NKAIN3: variants seen among roughly 807,000 people sequenced by gnomAD.
NKAIN3 encodes sodium/potassium transporting ATPase interacting 3, also known as sodium/potassium-transporting ATPase subunit beta-1-interacting protein 3.
In NKAIN3, 25 loss-of-function variants were observed where a neutral mutation model predicts 30.2. The ratio of observed to expected loss-of-function variants is 0.83; its 90% CI spans 0.60 to 1.16. The LOEUF is 1.16. Among genes scored for constraint, NKAIN3 ranks in the 50% most tolerant of loss-of-function variants. NKAIN3 has a pLI of 0.00. For synonymous variants in NKAIN3, 91 were observed against 89.6 expected (o/e 1.02, Z -0.09); for missense variants, 225 against 254.1 (o/e 0.89, Z 0.78).
chr8:62,281,443 C>T (rs767590584), intron 1 of NKAIN3, among the ~76,000 whole-genome samples: 20 of 152,010 alleles, frequency 1.3e-4, no homozygotes, highest in Non-Finnish European at 2.6e-4. Flanking sequence ...GCTCTTGCTT[C>T]TCTAGTTCTT....
chr8:62,955,728 G>A (rs1823402269), intron 6 of NKAIN3, among the ~76,000 whole-genome samples: 1 of 152,166 alleles, frequency 6.6e-6, no homozygotes, highest in Admixed American at 6.5e-5. Context: ...GCATGGCCCA[G>A]AGGCAAGTGA....
At chr8:62,888,541 G>A (rs1403293673) in intron 4 of NKAIN3, among the ~76,000 whole-genome samples, 1 of 152,100 alleles carries the variant, frequency 6.6e-6, no homozygotes, top group South Asian at 2.1e-4. Context: ...CTCCAATTTT[G>A]GGAGCAGTGG....
intron 1 of NKAIN3, among the ~76,000 whole-genome samples, chr8:62,283,280 A>C (rs1166860932): frequency 6.7e-6 from 1 of 150,364 alleles, no homozygotes; most frequent in East Asian, 2.0e-4. Flanking sequence ...TTACGTGGCT[A>C]TTTTTTTTTT....
chr8:62,854,434 C>T (rs1484536038), intron 4 of NKAIN3, among the ~76,000 whole-genome samples: 16 of 152,114 alleles, frequency 1.1e-4, no homozygotes, highest in Non-Finnish European at 4.4e-5. Context: ...TGAATTGAAA[C>T]CTTTGCCATT....
At chr8:62,463,641 C>G (rs964771858) in intron 1 of NKAIN3, among the ~76,000 whole-genome samples, 2 of 152,056 alleles carry the variant, frequency 1.3e-5, no homozygotes, top group African/African-American at 4.8e-5. Context: ...TTTTCTTTTG[C>G]TTTGTGTGTA....
chr8:62,838,329 T>C (rs932664696), intron 4 of NKAIN3, among the ~76,000 whole-genome samples: 2 of 151,672 alleles, frequency 1.3e-5, no homozygotes, highest in Non-Finnish European at 2.9e-5. Flanking sequence ...CATATATATA[T>C]ACACACACAC....
chr8:62,989,218 C>T (rs1300853196), downstream of NKAIN3, among the ~76,000 whole-genome samples: 1 of 152,236 alleles, frequency 6.6e-6, no homozygotes, highest in Non-Finnish European at 1.5e-5. Context: ...CCAGTTCCAA[C>T]ATCACTTCCA....
chr8:62,666,066 T>C (rs574224383), intron 3 of NKAIN3, among the ~76,000 whole-genome samples: 9 of 151,882 alleles, frequency 5.9e-5, no homozygotes, highest in Admixed American at 3.9e-4. Context: ...ATACAAAAAG[T>C]AGCTGGGCGT....
intron 4 of NKAIN3, among the ~76,000 whole-genome samples, chr8:62,830,659 C>T (rs377511798): frequency 6.6e-6 from 1 of 152,194 alleles, no homozygotes; most frequent in South Asian, 2.1e-4. Context: ...AGCCCAGGCA[C>T]TTGGACAGCT....
intron 1 of NKAIN3, among the ~76,000 whole-genome samples, chr8:62,557,136 A>G (rs1162580933): frequency 2.6e-5 from 4 of 152,000 alleles, no homozygotes; most frequent in Non-Finnish European, 4.4e-5. Flanking sequence ...CTTAGCTCCC[A>G]CTTATGAGTG....
At chr8:62,993,981 C>T (rs1365558320) in intron 5 of NKAIN3, among the ~76,000 whole-genome samples, 5 of 152,092 alleles carry the variant, frequency 3.3e-5, no homozygotes, top group Non-Finnish European at 7.4e-5. Flanking sequence ...TTACATTATT[C>T]CAGAGCCTTT....
chr8:62,930,103 G>A (rs997275759), intron 5 of NKAIN3, among the ~76,000 whole-genome samples: 10 of 152,160 alleles, frequency 6.6e-5, no homozygotes, highest in African/African-American at 2.4e-4. Context: ...GTACAACTCA[G>A]TGGCATTAGG....
chr8:62,629,242 T>C (rs1039414695), intron 3 of NKAIN3, among the ~76,000 whole-genome samples: 1 of 152,148 alleles, frequency 6.6e-6, no homozygotes, highest in Admixed American at 6.6e-5. Context: ...ATGTATTTCA[T>C]CCTCACCTCT....
chr8:62,249,216 C>G, intron 1 of NKAIN3, 89 bp downstream of exon 1: 1 of 1,158,432 alleles, frequency 8.6e-7, no homozygotes. Context: ...CAGCTCCCGG[C>G]AAGGGGCGAA....
intron 4 of NKAIN3, among the ~76,000 whole-genome samples, chr8:62,857,716 C>T (rs2130783381): frequency 6.6e-6 from 1 of 152,288 alleles, no homozygotes; most frequent in East Asian, 1.9e-4. Context: ...TCTAAACTTG[C>T]TATTTTGGCT....
intron 4 of NKAIN3, among the ~76,000 whole-genome samples, chr8:62,811,141 A>T (rs1415318438): frequency 6.6e-6 from 1 of 152,066 alleles, no homozygotes; most frequent in East Asian, 1.9e-4. Flanking sequence ...TTACAAATGG[A>T]CTCATACAGT....
intron 4 of NKAIN3, among the ~76,000 whole-genome samples, chr8:62,822,929 G>A (rs907697515): frequency 6.6e-6 from 1 of 152,174 alleles, no homozygotes; most frequent in East Asian, 1.9e-4. Flanking sequence ...TGTACAGCAT[G>A]TTATTGTAGG....
chr8:62,478,668 C>T (rs1037726181), intron 1 of NKAIN3, among the ~76,000 whole-genome samples: 1 of 152,034 alleles, frequency 6.6e-6, no homozygotes, highest in African/African-American at 2.4e-5. Flanking sequence ...GCTTCTTAAC[C>T]TGATAGTCCT....
chr8:62,929,349 G>GA (rs1185637756), intron 5 of NKAIN3, among the ~76,000 whole-genome samples: 2 of 152,142 alleles, frequency 1.3e-5, no homozygotes, highest in African/African-American at 2.4e-5. Flanking sequence ...TATGCTGTGA[G>GA]AAAAAAATCA....
Sources: gnomAD v4.1 joint callset for allele counts (sites outside exome capture counted in the v4.1 genomes callset) on GRCh38, gnomAD v4.1.1 for gene constraint, MANE v1.5 for transcripts, NCBI Gene and HGNC (gene_info 2026-07-23, HGNC 2026-07-21) for gene names.